MECR: variants seen among roughly 807,000 people sequenced by gnomAD.
MECR encodes enoyl-[acyl-carrier-protein] reductase, mitochondrial.
In MECR, 37 loss-of-function variants were observed where a neutral mutation model predicts 49.1. The observed-to-expected ratio is 0.75, with a 90% CI of 0.58 to 0.99. MECR has a LOEUF of 0.99. Among genes scored for constraint, MECR ranks in the 50% least tolerant of loss-of-function variants. The probability of loss-of-function intolerance (pLI) is 0.00; values close to 1 mark genes in which losing one functional copy is unlikely to be tolerated. For missense variants in MECR, 470 were observed against 479.6 expected (o/e 0.98, Z 0.19); for synonymous variants, 198 against 191.1 (o/e 1.04, Z -0.30).
the MECR span, among the ~76,000 whole-genome samples, chr1:29,180,617 G>A: frequency 1.3e-5 from 2 of 152,062 alleles, no homozygotes; most frequent in Admixed American, 6.6e-5. Flanking sequence ...TCTTTTTTAA[G>A]CCAAGAGTTC....
intron 3 of MECR, among the ~76,000 whole-genome samples, chr1:29,214,061 CTT>C (rs1200557418): frequency 7.9e-5 from 11 of 138,476 alleles, no homozygotes; most frequent in Middle Eastern, 3.8e-3. Flanking sequence ...AATCAACTTT[CTT>C]TTTTTTTTTT....
chr1:29,169,733 T>C, the MECR span: 1 of 152,220 alleles, frequency 6.6e-6, no homozygotes, highest in African/African-American at 2.4e-5. Flanking sequence ...CTCAAGCCCA[T>C]GGTATTGAGT....
chr1:29,175,317 G>A, the MECR span, among the ~76,000 whole-genome samples: 1 of 151,946 alleles, frequency 6.6e-6, no homozygotes. Context: ...GGAGGCTGAG[G>A]CAGCAGAATC....
downstream of MECR, among the ~76,000 whole-genome samples, chr1:29,187,953 C>G (rs1384320543): frequency 2.2e-5 from 3 of 134,704 alleles, no homozygotes; most frequent in Non-Finnish European, 3.1e-5. Flanking sequence ...AGGAGAATGG[C>G]GTGAACCCAG....
rs1352866214 is a variant in MECR at position 29,194,101 on chromosome 1, A to T, written c.1043T>A (p.Val348Asp). The change falls in exon 10 of 10, where the codon GTC becomes GAC. Residue 348 changes from valine to aspartate, a missense_variant. By Grantham distance (152) the Val-to-Asp change is radical. Coordinates refer to ENST00000263702, the MANE Select transcript of MECR (RefSeq NM_016011.5). ...GGCAGACTGGTAGTCCTGCAGCGGG[A>T]CCTGGGAGCAGGCAGGGGCTGTGAG... is the stretch of plus-strand genomic sequence containing the variant. ...GQLTAPACSQVPLQDYQSALE... is the reference protein window; with the variant it reads ...GQLTAPACSQDPLQDYQSALE... 6.2e-7 allele frequency: 1 copy of T among 1,614,084 alleles called. No homozygotes were observed. The highest frequency in any genetic ancestry group is 8.5e-7 in the Non-Finnish European group (1 of 1,180,008).
At chr1:29,172,874 T>C in the MECR span, 4 of 151,866 alleles carry the variant, frequency 2.6e-5, no homozygotes, top group African/African-American at 7.3e-5. Flanking sequence ...AAAAAAAAGG[T>C]AGACAATATA....
intron 1 of MECR, among the ~76,000 whole-genome samples, chr1:29,229,343 C>T (rs922735121): frequency 6.6e-6 from 1 of 152,072 alleles, no homozygotes; most frequent in Non-Finnish European, 1.5e-5. Context: ...GCAGGGATTA[C>T]AGGTGCCCAC....
chr1:29,212,956 C>CT (rs1678397073), intron 3 of MECR, among the ~76,000 whole-genome samples: 1 of 152,204 alleles, frequency 6.6e-6, no homozygotes, highest in South Asian at 2.1e-4. Flanking sequence ...ACGCTGCACT[C>CT]TGTGCCTGGG....
chr1:29,184,766 A>G, the MECR span, among the ~76,000 whole-genome samples: 4 of 151,842 alleles, frequency 2.6e-5, no homozygotes, highest in African/African-American at 9.7e-5. Context: ...AAAACAGGCC[A>G]CAGCGCCCAG....
chr1:29,226,102 G>A (rs958891380), intron 1 of MECR, among the ~76,000 whole-genome samples: 2 of 150,340 alleles, frequency 1.3e-5, no homozygotes, highest in African/African-American at 4.9e-5. Context: ...CTGGGAGGTG[G>A]AGGTTGCAGT....
chr1:29,206,941 G>A, intron 3 of MECR, 36 bp from the exon 4 acceptor site: 1 of 1,612,080 alleles, frequency 6.2e-7, no homozygotes, highest in African/African-American at 1.3e-5. Context: ...CATAAGGAAG[G>A]AGCCCTGTGC....
intron 1 of MECR, chr1:29,224,248 T>A (rs1411724085): frequency 6.6e-6 from 1 of 152,194 alleles, no homozygotes; most frequent in Non-Finnish European, 1.5e-5. Flanking sequence ...TGCAAGCTGC[T>A]TGGATCTCTT....
At chr1:29,211,821 C>T (rs1377029013) in intron 3 of MECR, among the ~76,000 whole-genome samples, 1 of 152,202 alleles carries the variant, frequency 6.6e-6, no homozygotes, top group East Asian at 1.9e-4. Flanking sequence ...ACCATCTGGT[C>T]TGGTCTCCCC....
chr1:29,211,682 T>C (rs2151885297), intron 3 of MECR, among the ~76,000 whole-genome samples: 1 of 142,370 alleles, frequency 7.0e-6, no homozygotes, highest in African/African-American at 2.6e-5. Flanking sequence ...AATTAGGTCA[T>C]ACAGCGGAGC....
chr1:29,180,913 G>A, the MECR span, among the ~76,000 whole-genome samples: 1 of 152,210 alleles, frequency 6.6e-6, no homozygotes, highest in African/African-American at 2.4e-5. Flanking sequence ...AGCCAGGGTG[G>A]CCACTATTCT....
At chr1:29,175,694 CAAAAAA>C in the MECR span, among the ~76,000 whole-genome samples, 17 of 38,588 alleles carry the variant, frequency 4.4e-4, no homozygotes, top group South Asian at 4.3e-3. Flanking sequence ...GACGCTGTCT[CAAAAAA>C]AAAAAAAAAA....
In MECR at chr1:29,223,018, C is replaced by T. The variant is rs575290425; in HGVS notation, c.177-6333G>A. Reference sequence around the variant, plus strand: ...ACCTCTAGTGTAATGATAGCAATTTCTTCCCTGTTCTTTAAAAAAACAAAC... The same window carrying T: ...ACCTCTAGTGTAATGATAGCAATTTTTTCCCTGTTCTTTAAAAAAACAAAC... On this transcript the variant is annotated intron_variant, in intron 1 of 9. Coordinates refer to ENST00000263702, the MANE Select transcript of MECR (RefSeq NM_016011.5). The T allele has an allele frequency of 5.6e-6, 5 of 892,702 alleles. No homozygotes were observed. The South Asian group carries it at 2.6e-4, about 46-fold the overall frequency. 55.3% of individuals were successfully genotyped at this position (892,702 alleles called of 1,614,324 possible). A position where few individuals can be genotyped will look rare whatever the true frequency, so the allele number is the denominator to read the frequency against.
chr1:29,222,567 TTACAG>T (rs1258443111), intron 1 of MECR, among the ~76,000 whole-genome samples: 1 of 152,084 alleles, frequency 6.6e-6, no homozygotes, highest in Non-Finnish European at 1.5e-5. Flanking sequence ...GCTGGGAACA[TTACAG>T]TATTTTCACA....
At chr1:29,185,966 T>C in the MECR span, among the ~76,000 whole-genome samples, 1 of 152,064 alleles carries the variant, frequency 6.6e-6, no homozygotes, top group African/African-American at 2.4e-5. Context: ...AGCCTGGATG[T>C]CAGAGTGAGA....
Sources: allele counts gnomAD v4.1 joint callset (sites outside exome capture counted in the v4.1 genomes callset), GRCh38; gene constraint gnomAD v4.1.1; transcripts MANE v1.5; gene names NCBI Gene and HGNC (gene_info 2026-07-23, HGNC 2026-07-21).